Variants in TUSC3 observed in about 807,000 individuals in gnomAD.
TUSC3 encodes dolichyl-diphosphooligosaccharide--protein glycosyltransferase subunit TUSC3.
In TUSC3, 45 loss-of-function variants were observed where a neutral mutation model predicts 44.8. The ratio of observed to expected loss-of-function variants is 1.00; its 90% CI spans 0.79 to 1.29. The LOEUF is 1.29. Among genes scored for constraint, TUSC3 ranks in the 50% most tolerant of loss-of-function variants. The probability of loss-of-function intolerance (pLI) is 0.00; values close to 1 mark genes in which losing one functional copy is unlikely to be tolerated. For missense variants in TUSC3, 519 were observed against 437.9 expected (o/e 1.19, Z -1.65); for synonymous variants, 212 against 152.9 (o/e 1.39, Z -2.85).
the TUSC3 span, among the ~76,000 whole-genome samples, chr8:15,842,922 A>G: frequency 5.3e-5 from 8 of 152,222 alleles, no homozygotes; most frequent in African/African-American, 1.7e-4. Context: ...ATGACCATGC[A>G]GAACCATAAA....
At chr8:15,817,725 C>A in the TUSC3 span, among the ~76,000 whole-genome samples, 1 of 152,198 alleles carries the variant, frequency 6.6e-6, no homozygotes, top group African/African-American at 2.4e-5. Context: ...GTCAATTAAA[C>A]CCCTTTCCTT....
At chr8:15,681,365 G>C (rs78902769) in intron 6 of TUSC3, among the ~76,000 whole-genome samples, 4,233 of 151,752 alleles carry the variant, frequency 0.028, 158 homozygotes, top group African/African-American at 0.093. Context: ...GTATTTGTCT[G>C]TTCAGGGTTT....
At chr8:15,818,291 A>T in the TUSC3 span, among the ~76,000 whole-genome samples, 1 of 152,218 alleles carries the variant, frequency 6.6e-6, no homozygotes, top group African/African-American at 2.4e-5. Context: ...CCATGTAAAG[A>T]TTTCACATAA....
At chr8:15,700,225 G>GT (rs1474078294) in intron 6 of TUSC3, among the ~76,000 whole-genome samples, 10 of 152,130 alleles carry the variant, frequency 6.6e-5, no homozygotes, top group African/African-American at 2.2e-4. Context: ...CCACCAGACA[G>GT]ACTCACACTT....
chr8:15,658,627 T>TAC (rs1807276975), intron 3 of TUSC3, among the ~76,000 whole-genome samples: 1 of 113,192 alleles, frequency 8.8e-6, no homozygotes, highest in African/African-American at 3.8e-5. Flanking sequence ...CGTGTATATA[T>TAC]ACACATATAT....
chr8:15,471,736 C>T (rs751632232), intron 1 of TUSC3, among the ~76,000 whole-genome samples: 9 of 151,806 alleles, frequency 5.9e-5, no homozygotes, highest in Non-Finnish European at 1.3e-4. Flanking sequence ...TCCCGCCTCA[C>T]CCTCCCAAGT....
the TUSC3 span, among the ~76,000 whole-genome samples, chr8:15,798,654 G>GA: frequency 6.9e-6 from 1 of 145,350 alleles, no homozygotes; most frequent in Non-Finnish European, 1.5e-5. Context: ...GTGTGTGGGG[G>GA]GGGTCCTCTT....
chr8:15,487,336 C>G (rs1189093389), intron 2 of TUSC3, among the ~76,000 whole-genome samples: 1 of 152,100 alleles, frequency 6.6e-6, no homozygotes, highest in East Asian at 1.9e-4. Flanking sequence ...TTATTTCCTC[C>G]TTCTGCTGTG....
At chr8:15,760,889 C>G (rs1486057428) in intron 10 of TUSC3, among the ~76,000 whole-genome samples, 1 of 152,188 alleles carries the variant, frequency 6.6e-6, no homozygotes, top group African/African-American at 2.4e-5. Flanking sequence ...GCTGCTGTCC[C>G]TGCATCTTAC....
rs66742425 is a variant in TUSC3, at chr8:15,517,992, A to AC, written n.189+34514dup. The stretch of plus-strand genomic sequence containing the variant: ...AACCCTCAAGAACAAACAAAAAAAA[A>AC]CCCCCATACACATTCGCACCTGTTC... On this transcript the variant is annotated intron_variant and non_coding_transcript_variant, in intron 2 of 5. Coordinates refer to the TUSC3 transcript ENST00000503191. 2.7e-3 allele frequency among the ~76,000 whole-genome samples: 411 copies of AC among 151,744 alleles called. 6 individuals are homozygous for AC. The highest frequency in any genetic ancestry group is 9.3e-3 in the African/African-American group (385 of 41,332).
intron 6 of TUSC3, among the ~76,000 whole-genome samples, chr8:15,682,324 T>C (rs937780824): frequency 6.6e-6 from 1 of 152,204 alleles, no homozygotes; most frequent in African/African-American, 2.4e-5. Flanking sequence ...TTTTTATGAA[T>C]GTTTTATGAA....
At chr8:15,826,760 G>GA in the TUSC3 span, among the ~76,000 whole-genome samples, 6 of 151,530 alleles carry the variant, frequency 4.0e-5, no homozygotes, top group Admixed American at 6.6e-5. Flanking sequence ...TATGGTGAGG[G>GA]AAAAAAAAGA....
intron 2 of TUSC3, among the ~76,000 whole-genome samples, chr8:15,504,726 C>T (rs1239952922): frequency 6.9e-6 from 1 of 144,942 alleles, no homozygotes; most frequent in African/African-American, 2.5e-5. Context: ...GATCTTGGCT[C>T]ACTGCAACCT....
chr8:15,466,799 A>G (rs1800420262), intron 1 of TUSC3, among the ~76,000 whole-genome samples: 2 of 152,050 alleles, frequency 1.3e-5, no homozygotes, highest in East Asian at 1.9e-4. Flanking sequence ...ATTTTCCTCC[A>G]TGGGCATGTA....
In TUSC3 at chr8:15,662,207, T is replaced by A. The variant is rs1360505920; in HGVS notation, c.619T>A (p.Leu207Ile). 1 of 1,613,096 alleles carries A rather than the reference T, an allele frequency of 6.2e-7. No homozygotes were observed. Among genetic ancestry groups the A allele is most frequent in the Non-Finnish European group, 8.5e-7 (1 of 1,179,360 alleles). ...CTCTGGTACCATTGCTTTGGCCCTG[T>A]TAGTGTCGCTTGTTGGAGGTTTGCT... is the stretch of plus-strand genomic sequence containing the variant. ...NYSGTIALAL[L>I]VSLVGGLLYL... Residue 207 changes from leucine to isoleucine, a missense_variant, in exon 5 of 11, where the codon TTA (leucine) becomes ATA (isoleucine). By Grantham distance (5) the Leu-to-Ile change is conservative (BLOSUM62 2). Coordinates refer to ENST00000503731, the MANE Select transcript of TUSC3 (RefSeq NM_006765.4).
intron 2 of TUSC3, among the ~76,000 whole-genome samples, chr8:15,518,551 TCTC>T (rs1223067827): frequency 2.0e-4 from 30 of 152,264 alleles, no homozygotes; most frequent in African/African-American, 6.5e-4. Flanking sequence ...TCAAGTCACT[TCTC>T]CTTATGAAAA....
At chr8:15,826,496 C>T in the TUSC3 span, among the ~76,000 whole-genome samples, 3 of 152,136 alleles carry the variant, frequency 2.0e-5, no homozygotes, top group Non-Finnish European at 4.4e-5. Context: ...TTAGAGAAAA[C>T]ACTACTCACC....
chr8:15,816,854 G>A, the TUSC3 span, among the ~76,000 whole-genome samples: 2 of 152,164 alleles, frequency 1.3e-5, no homozygotes, highest in African/African-American at 4.8e-5. Context: ...GCTGATAGCA[G>A]CATTGGAGTT....
At chr8:15,703,153 G>A (rs551090849) in intron 6 of TUSC3, among the ~76,000 whole-genome samples, 2 of 152,204 alleles carry the variant, frequency 1.3e-5, no homozygotes, top group Non-Finnish European at 1.5e-5. Context: ...TATTAGGGAA[G>A]AAAGTATCTT....
Sources: gnomAD v4.1 joint callset for allele counts (sites outside exome capture counted in the v4.1 genomes callset) on GRCh38, gnomAD v4.1.1 for gene constraint, MANE v1.5 for transcripts, NCBI Gene and HGNC (gene_info 2026-07-23, HGNC 2026-07-21) for gene names.